The following SBK1 variants were observed in gnomAD, a reference collection of about 807,000 sequenced individuals.
SBK1 encodes the protein SH3 domain binding kinase 1, also known as serine/threonine-protein kinase SBK1.
Under a neutral mutation model 24.4 loss-of-function variants are expected in SBK1, and 11 were observed. That is an observed-to-expected ratio of 0.45 (90% confidence interval 0.28 to 0.75). SBK1 has a LOEUF of 0.75. Ranked by LOEUF, SBK1 falls within the 30% of genes least tolerant of loss-of-function variation. The probability of loss-of-function intolerance (pLI) is 0.12; values close to 1 mark genes in which losing one functional copy is unlikely to be tolerated. For synonymous variants in SBK1, 308 were observed against 284.4 expected (o/e 1.08, Z -0.83); for missense variants, 467 against 620.5 (o/e 0.75, Z 2.63).
At chr16:28,286,746 G>C (rs1382211756) in intron 1 of SBK1, 4 of 152,230 alleles carry the variant, frequency 2.6e-5, no homozygotes, top group Admixed American at 6.5e-5. Context: ...GAGACACAAG[G>C]AATCAAGAGC....
intron 1 of SBK1, among the ~76,000 whole-genome samples, chr16:28,281,144 G>A (rs1171248959): frequency 1.3e-5 from 2 of 152,098 alleles, no homozygotes; most frequent in African/African-American, 2.4e-5. Context: ...TCCTGGCTGA[G>A]CCTCCATCTC....
In SBK1 at chr16:28,292,680, C is replaced by A. The variant is rs560765847; in HGVS notation, c.-628C>A. 8.5e-4 allele frequency: 832 copies of A among 984,102 alleles called. 24 individuals carry two copies. The South Asian group carries it at 0.035, about 41-fold the overall frequency. 61.0% of individuals were successfully genotyped at this position (984,102 alleles called of 1,614,324 possible). A position where few individuals can be genotyped will look rare whatever the true frequency, so the allele number is the denominator to read the frequency against. ...TAGCGGCGGCGACCGAGCCCCCCAG[C>A]GGCTGAGGGGCTTCCAGCGCCCGCC... On this transcript the variant is annotated 5_prime_UTR_variant, in exon 1 of 4. Coordinates refer to ENST00000341901, the MANE Select transcript of SBK1 (RefSeq NM_001024401.3).
Position 28,317,344 on chromosome 16 carries a change from G to A in SBK1, c.-7-41G>A, listed in dbSNP as rs1034810166. On this transcript the variant is annotated intron_variant, in intron 1 of 3. Transcript: ENST00000341901. The surrounding 1 kb of genome is among the most constrained non-coding windows in gnomAD (Gnocchi z 4.2). ...AGAGGGGCTGGAGGAGGGGACCCTT[G>A]CCTGATGTCACACTTCATGCTCACC... 1 of 1,505,506 alleles carries A rather than the reference G, an allele frequency of 6.6e-7. No homozygotes were observed. The highest frequency in any genetic ancestry group is 1.7e-5 in the Admixed American group (1 of 59,466). The allele number at this position is 1,505,506 out of a possible 1,614,324, so 93.3% of individuals were successfully genotyped here. A position where few individuals can be genotyped will look rare whatever the true frequency, so the allele number is the denominator to read the frequency against.
At chr16:28,302,992 C>T (rs145948233) in intron 1 of SBK1, among the ~76,000 whole-genome samples, 202 of 151,262 alleles carry the variant, frequency 1.3e-3, no homozygotes, top group African/African-American at 4.6e-3. Flanking sequence ...GTAGGGCAAT[C>T]CTGGTTGAGA....
rs2044851186 is a variant in SBK1, at chr16:28,321,819, C to T, written c.*898C>T. On this transcript the variant is annotated 3_prime_UTR_variant, in exon 4 of 4. Coordinates refer to ENST00000341901, the MANE Select transcript of SBK1 (RefSeq NM_001024401.3). ...AGGGGAGTTAGTGTGGAGCCGAGAGCAGGTCCCAGCTCCCCCTGCCAGCCG... is the reference window on the plus strand; with the variant it reads ...AGGGGAGTTAGTGTGGAGCCGAGAGTAGGTCCCAGCTCCCCCTGCCAGCCG... The T allele has an allele frequency of 1.3e-5, 2 of 152,390 alleles. No homozygotes were observed. The highest frequency in any genetic ancestry group is 6.5e-5 in the Admixed American group (1 of 15,268). 9.4% of individuals were successfully genotyped at this position (152,390 alleles called of 1,614,324 possible).
At chr16:28,284,493 C>G (rs979448133) in intron 1 of SBK1, among the ~76,000 whole-genome samples, 2 of 152,232 alleles carry the variant, frequency 1.3e-5, no homozygotes, top group Non-Finnish European at 2.9e-5. Flanking sequence ...TGGCCTCGTC[C>G]CAGTCCTAAG....
chr16:28,323,021 C>T lies in SBK1; in HGVS notation c.*2100C>T, dbSNP rs982578364. The T allele has an allele frequency of 1.5e-5, 2 of 134,600 alleles. No individual in the cohort carries two copies. The highest frequency in any genetic ancestry group is 2.8e-4 in the South Asian group (1 of 3,626). The allele number at this position is 134,600 out of a possible 1,614,324, so 8.3% of individuals were successfully genotyped here. A position where few individuals can be genotyped will look rare whatever the true frequency, so the allele number is the denominator to read the frequency against. ...TCCCTCTCTCTGTTAAGATCCTGTT[C>T]GGGAGTTTCCCCAGCCGTTGTAGTA... is the stretch of plus-strand genomic sequence containing the variant. On this transcript the variant is annotated 3_prime_UTR_variant, in exon 4 of 4. Coordinates refer to ENST00000341901, the MANE Select transcript of SBK1 (RefSeq NM_001024401.3).
chr16:28,297,344 C>T (rs1675450305), intron 1 of SBK1, among the ~76,000 whole-genome samples: 2 of 152,112 alleles, frequency 1.3e-5, no homozygotes, highest in South Asian at 4.1e-4. Flanking sequence ...AAAAAAGAAA[C>T]AAAAGTTGAC....
At chr16:28,284,219 G>T (rs1382996802) in intron 1 of SBK1, among the ~76,000 whole-genome samples, 1 of 152,204 alleles carries the variant, frequency 6.6e-6, no homozygotes, top group Non-Finnish European at 1.5e-5. Flanking sequence ...TCAGTTTCTG[G>T]GAAACCCAAA....
In SBK1 at chr16:28,259,777, C is replaced by A. The variant is rs536334531; in HGVS notation, c.257+275C>A. On this transcript the variant is annotated intron_variant, in intron 1 of 3. Coordinates refer to the SBK1 transcript ENST00000671413. This position sits in a 1 kb window ranked among gnomAD's most constrained non-coding sequence, Gnocchi z 6.0. Reference sequence around the variant, plus strand: ...GCTCAGAGCCCTCCATGGCTCCCAGCTCCCGTGGGATAAAGTTAACACTCG... The same window carrying A: ...GCTCAGAGCCCTCCATGGCTCCCAGATCCCGTGGGATAAAGTTAACACTCG... Among the ~76,000 whole-genome samples the A allele has an allele frequency of 1.3e-5, 2 of 152,294 alleles. No individual in the cohort carries two copies. The highest frequency in any genetic ancestry group is 4.8e-5 in the African/African-American group (2 of 41,568).
Position 28,320,627 on chromosome 16 carries a change from C to T in SBK1, c.981C>T (p.His327=), listed in dbSNP as rs1596555686. ...LTSELRRRPS[H]RARKPPGDRP... ...CCGAGCTGCGCCGCCGGCCCTCGCA[C>T]CGCGCGCGCAAGCCCCCCGGGGACC... is the stretch of plus-strand genomic sequence containing the variant. Residue 327 remains histidine, a synonymous_variant, in exon 4 of 4, where the codon CAC becomes CAT. Coordinates refer to ENST00000341901, the MANE Select transcript of SBK1 (RefSeq NM_001024401.3). The surrounding 1 kb of genome is among the most constrained non-coding windows in gnomAD (Gnocchi z 8.5). 8.6e-6 allele frequency: 11 copies of T among 1,285,432 alleles called. No homozygotes were observed. Among genetic ancestry groups the T allele is most frequent in the Non-Finnish European group, 1.1e-5 (11 of 1,015,062 alleles). The allele number at this position is 1,285,432 out of a possible 1,614,324, so 79.6% of individuals were successfully genotyped here.
chr16:28,264,762 A>C (rs1423112772), intron 1 of SBK1, among the ~76,000 whole-genome samples: 1 of 152,062 alleles, frequency 6.6e-6, no homozygotes, highest in Non-Finnish European at 1.5e-5. Context: ...TCACACGGGA[A>C]AGAGGGGAGG....
chr16:28,264,249 T>G (rs899500762), intron 1 of SBK1, among the ~76,000 whole-genome samples: 1 of 152,046 alleles, frequency 6.6e-6, no homozygotes, highest in East Asian at 1.9e-4. Context: ...CAGAGGTGCA[T>G]GGGTGATGGG....
chr16:28,297,017 G>A (rs964360394), intron 1 of SBK1, among the ~76,000 whole-genome samples: 2 of 152,050 alleles, frequency 1.3e-5, no homozygotes, highest in Non-Finnish European at 2.9e-5. Context: ...GAGAGCTGGG[G>A]GCCTAATTAT....
chr16:28,259,865 C>T lies in SBK1; in HGVS notation c.257+363C>T, dbSNP rs1027091041. 1.3e-5 allele frequency among the ~76,000 whole-genome samples: 2 copies of T among 152,040 alleles called. No homozygotes were observed. Among genetic ancestry groups the T allele is most frequent in the South Asian group, 2.1e-4 (1 of 4,824 alleles). Reference sequence around the variant, plus strand: ...TCCCCACCTCATCTCACTCTGTTCCCCTATATTAACCTCCAGTGAAACTCT... The same window carrying T: ...TCCCCACCTCATCTCACTCTGTTCCTCTATATTAACCTCCAGTGAAACTCT... On this transcript the variant is annotated intron_variant, in intron 1 of 3. Coordinates refer to the SBK1 transcript ENST00000671413. The surrounding 1 kb of genome is among the most constrained non-coding windows in gnomAD (Gnocchi z 6.0).
intron 1 of SBK1, among the ~76,000 whole-genome samples, chr16:28,305,710 T>C (rs1324142097): frequency 6.6e-6 from 1 of 151,736 alleles, no homozygotes; most frequent in Non-Finnish European, 1.5e-5. Context: ...TTTTGTATTT[T>C]AGTAGAGACC....
At chr16:28,314,399 C>T (rs964359938) in intron 1 of SBK1, among the ~76,000 whole-genome samples, 4 of 149,752 alleles carry the variant, frequency 2.7e-5, no homozygotes, top group African/African-American at 4.9e-5. Flanking sequence ...TCAAGCAATC[C>T]TCTCACCTTG....
intron 1 of SBK1, among the ~76,000 whole-genome samples, chr16:28,280,305 A>G (rs933101156): frequency 2.1e-5 from 3 of 141,758 alleles, no homozygotes; most frequent in African/African-American, 7.7e-5. Flanking sequence ...ATGCACATAT[A>G]TGTATATAAT....
At chr16:28,275,123 C>T (rs903184605) in intron 1 of SBK1, among the ~76,000 whole-genome samples, 1 of 152,060 alleles carries the variant, frequency 6.6e-6, no homozygotes, top group South Asian at 2.1e-4. Context: ...GGCTGAAGTT[C>T]GAAACCAGCC....
Sources: gnomAD v4.1 joint callset for allele counts (sites outside exome capture counted in the v4.1 genomes callset) on GRCh38, gnomAD v4.1.1 for gene constraint, Gnocchi (gnomAD v3.1) non-coding constraint, MANE v1.5 for transcripts, NCBI Gene and HGNC (gene_info 2026-07-23, HGNC 2026-07-21) for gene names.